PCDHA5: variants seen among roughly 807,000 people sequenced by gnomAD.
PCDHA5 encodes the protein protocadherin alpha 5.
In PCDHA5, 43 loss-of-function variants were observed where a neutral mutation model predicts 61.6. The observed-to-expected ratio is 0.70, with a 90% CI of 0.55 to 0.90. The LOEUF is 0.90. PCDHA5 is among the 40% of genes least tolerant of loss of function. The pLI, the probability that PCDHA5 is intolerant of heterozygous loss-of-function variation, is 0.00. For synonymous variants in PCDHA5, 627 were observed against 543.9 expected (o/e 1.15, Z -2.13); for missense variants, 1,298 against 1,222.7 (o/e 1.06, Z -0.92).
Position 140,836,117 on chromosome 5 carries a change from A to G in PCDHA5, c.2352+11990A>G, listed in dbSNP as rs1254092346. The G allele has an allele frequency of 3.1e-6, 5 of 1,613,532 alleles. No homozygotes were observed. In the Admixed American group the frequency reaches 5.0e-5, roughly 16 times the overall value. On this transcript the variant is annotated intron_variant, in intron 1 of 3. Transcript: ENST00000529859. ...TGGGTGGCACTGGTGGCGCAGTGAG[A>G]GAGCTTGTGCCGCGGTCTGTGGGCG...
rs147537783 is a variant in PCDHA5 at position 140,982,491 on chromosome 5, G to C, written c.2428G>C (p.Glu810Gln). 1 of 1,614,076 alleles carries C rather than the reference G, an allele frequency of 6.2e-7. No individual in the cohort carries two copies. Among genetic ancestry groups the C allele is most frequent in the African/African-American group, 1.3e-5 (1 of 74,924 alleles). The change falls in exon 3 of 4, where the codon GAG becomes CAG. Residue 810 changes from glutamate to glutamine, a missense_variant. Physicochemically the swap from Glu to Gln is conservative, Grantham distance 29. Coordinates refer to ENST00000529859, the MANE Select transcript of PCDHA5 (RefSeq NM_018908.3). ...TTTATTCAGCTCTGTGCACCTAGAG[G>C]AGGCTGGCATTCTACGGGCTGGTCC... is the stretch of plus-strand genomic sequence containing the variant. ...AGMHSSVHLE[E>Q]AGILRAGPGG...
chr5:140,989,403 G>A (rs1327699534), intron 3 of PCDHA5, among the ~76,000 whole-genome samples: 4 of 152,182 alleles, frequency 2.6e-5, no homozygotes, highest in African/African-American at 9.7e-5. Context: ...GGAGGGTGGA[G>A]AGTCTGCACT....
Position 140,823,401 on chromosome 5 carries a change from G to GT in PCDHA5, c.1626_1627insT (p.Pro543SerfsTer57). ...TGAGCGCGCGCGACGCGGGCGTGCC[G>GT]CCTCTGGGCAGCAACGTGACGCTGC... On this transcript the variant is annotated frameshift_variant, in exon 1 of 4. Coordinates refer to ENST00000529859, the MANE Select transcript of PCDHA5 (RefSeq NM_018908.3). LOFTEE classifies it high-confidence loss of function. 2 of 1,613,022 alleles carry GT rather than the reference G, an allele frequency of 1.2e-6. No homozygotes were observed. The highest frequency in any genetic ancestry group is 1.7e-6 in the Non-Finnish European group (2 of 1,179,798).
At chr5:140,866,708 C>G (rs781977454) in intron 1 of PCDHA5, 2 of 152,102 alleles carry the variant, frequency 1.3e-5, no homozygotes, top group African/African-American at 2.4e-5. Flanking sequence ...ATGACGTGCA[C>G]TAGTAAGACA....
chr5:140,932,002 T>G (rs1305093438), intron 1 of PCDHA5, among the ~76,000 whole-genome samples: 1 of 151,956 alleles, frequency 6.6e-6, no homozygotes, highest in East Asian at 1.9e-4. Flanking sequence ...CTAAGTTCTT[T>G]CATTTTAGTT....
At chr5:140,862,901 C>CA in intron 1 of PCDHA5, 2 of 551,296 alleles carry the variant, frequency 3.6e-6, no homozygotes, top group Non-Finnish European at 3.5e-6. Context: ...ACTTTGTCTG[C>CA]GCTGCTGGCG....
chr5:140,822,029 T>C lies in PCDHA5; in HGVS notation c.254T>C (p.Val85Ala), dbSNP rs1258715639. 4 of 1,614,166 alleles carry C rather than the reference T, an allele frequency of 2.5e-6. No individual in the cohort carries two copies. The highest frequency in any genetic ancestry group is 3.4e-6 in the Non-Finnish European group (4 of 1,180,042). The stretch of plus-strand genomic sequence containing the variant: ...AATCTGCAGAATGGCATTTTGTTTG[T>C]GAATTCTCGGATCGACCGGGAGGAG... ...EVNLQNGILF[V>A]NSRIDREELC... The change falls in exon 1 of 4, where the codon GTG becomes GCG. Residue 85 changes from valine to alanine, a missense_variant. Coordinates refer to ENST00000529859, the MANE Select transcript of PCDHA5 (RefSeq NM_018908.3).
intron 1 of PCDHA5, chr5:140,836,861 T>A (rs1774783452): frequency 2.6e-6 from 2 of 770,272 alleles, no homozygotes; most frequent in South Asian, 4.4e-5. Context: ...TATTTTTTAA[T>A]GTTATGCTGT....
chr5:140,948,602 A>G (rs537329393), intron 1 of PCDHA5, among the ~76,000 whole-genome samples: 2 of 151,590 alleles, frequency 1.3e-5, no homozygotes, highest in Non-Finnish European at 3.0e-5. Context: ...AATTTATCAT[A>G]TTTTTGGCAC....
rs781793178 is a variant in PCDHA5 at position 140,857,329 on chromosome 5, G to A, written c.2352+33202G>A. ...CCTATGAGCTGGTGGTGACCGCGCGGGACGGGGGCTCGCCTCCGCTGTGGG... is the reference window on the plus strand; with the variant it reads ...CCTATGAGCTGGTGGTGACCGCGCGAGACGGGGGCTCGCCTCCGCTGTGGG... On this transcript the variant is annotated intron_variant, in intron 1 of 3. Coordinates refer to ENST00000529859, the MANE Select transcript of PCDHA5 (RefSeq NM_018908.3). 1.7e-5 allele frequency: 27 copies of A among 1,598,568 alleles called. 1 individual carries two copies. In the South Asian group the frequency reaches 2.9e-4, roughly 17 times the overall value.
intron 1 of PCDHA5, among the ~76,000 whole-genome samples, chr5:140,879,645 G>T (rs1392592069): frequency 2.0e-5 from 3 of 152,228 alleles, no homozygotes; most frequent in Non-Finnish European, 4.4e-5. Flanking sequence ...GCTTCCTGTG[G>T]CTGCTATAAC....
At chr5:141,001,279 G>A (rs1317213469) in intron 3 of PCDHA5, among the ~76,000 whole-genome samples, 1 of 151,942 alleles carries the variant, frequency 6.6e-6, no homozygotes, top group African/African-American at 2.4e-5. Context: ...CTTTTTTTAC[G>A]GATGAAAACT....
At chr5:140,990,341 C>A (rs2097389083) in intron 3 of PCDHA5, among the ~76,000 whole-genome samples, 1 of 152,110 alleles carries the variant, frequency 6.6e-6, no homozygotes, top group South Asian at 2.1e-4. Flanking sequence ...ATAAGTAAAG[C>A]CTGCCCTGTA....
At chr5:140,831,548 A>G in intron 1 of PCDHA5, among the ~76,000 whole-genome samples, 1 of 127,154 alleles carries the variant, frequency 7.9e-6, no homozygotes, top group Non-Finnish European at 1.6e-5. Flanking sequence ...TTTTTTTAAG[A>G]GATGGGGTTT....
chr5:140,968,955 A>G, intron 1 of PCDHA5: 2 of 1,614,220 alleles, frequency 1.2e-6, no homozygotes, highest in Non-Finnish European at 1.7e-6. Flanking sequence ...AGCATCATCA[A>G]GTGCTACCGC....
rs112991614 is a variant in PCDHA5, at chr5:140,829,474, A to G, written c.2352+5347A>G. 3.3e-3 allele frequency: 5,348 copies of G among 1,613,788 alleles called. 124 individuals carry two copies. In the African/African-American group the frequency reaches 0.055, roughly 17 times the overall value. On this transcript the variant is annotated intron_variant, in intron 1 of 3. Transcript: ENST00000529859. ...CGGCGTTCGCGCAGCCCGAGTACAC[A>G]GTGTTCGTGAAGGAGAACAACCCGC...
At chr5:140,870,981 C>T (rs372420484) in intron 1 of PCDHA5, 72 of 1,613,472 alleles carry the variant, frequency 4.5e-5, no homozygotes, top group Non-Finnish European at 5.9e-5. Context: ...TGGGGCTGTA[C>T]ACGGGCGAGA....
intron 1 of PCDHA5, chr5:140,877,468 C>A (rs781957457): frequency 6.2e-7 from 1 of 1,613,810 alleles, no homozygotes; most frequent in South Asian, 1.1e-5. Flanking sequence ...GGCCACGGTG[C>A]TGGTGTCGCT....
At chr5:140,913,987 T>C (rs562066581) in intron 1 of PCDHA5, among the ~76,000 whole-genome samples, 5 of 152,318 alleles carry the variant, frequency 3.3e-5, no homozygotes, top group African/African-American at 1.2e-4. Context: ...ACTTGTATTG[T>C]GACTAGCATA....
Sources: allele counts gnomAD v4.1 joint callset (sites outside exome capture counted in the v4.1 genomes callset), GRCh38; gene constraint gnomAD v4.1.1; transcripts MANE v1.5; gene names NCBI Gene and HGNC (gene_info 2026-07-23, HGNC 2026-07-21).